SLC2A13: variants seen among roughly 807,000 people sequenced by gnomAD.
SLC2A13 encodes the protein proton myo-inositol cotransporter.
A neutral mutation model predicts 64.4 loss-of-function variants in SLC2A13; 32 were observed. The ratio of observed to expected loss-of-function variants is 0.50; its 90% CI spans 0.37 to 0.67. The LOEUF (loss-of-function observed/expected upper bound fraction) is 0.67. Ranked by LOEUF, SLC2A13 falls within the 30% of genes least tolerant of loss-of-function variation. The pLI, the probability that SLC2A13 is intolerant of heterozygous loss-of-function variation, is 0.00. For missense variants in SLC2A13, 743 were observed against 829.2 expected (o/e 0.90, Z 1.28); for synonymous variants, 338 against 327.1 (o/e 1.03, Z -0.36).
chr12:40,068,314 T>C, intron 1 of SLC2A13: 1 of 416,738 alleles, frequency 2.4e-6, no homozygotes, highest in East Asian at 8.6e-5. Flanking sequence ...ATAGCCAGTG[T>C]GCACAGTCTG....
rs377169528 is a variant in SLC2A13, at chr12:40,105,478, G to A, written c.331C>T (p.Arg111Trp). 1.1e-5 allele frequency: 18 copies of A among 1,569,478 alleles called. No homozygotes were observed. The highest frequency in any genetic ancestry group is 1.5e-5 in the Non-Finnish European group (17 of 1,158,058). ...CACAGCGCGTCCAGACTGAGCTGCC[G>A]CTTGAGCAGCAGCATGGCCCCTGAC... ...VVSGAMLLLKRQLSLDALWQE... is the reference protein window; with the variant it reads ...VVSGAMLLLKWQLSLDALWQE... Residue 111 changes from arginine (R) to tryptophan (W), a missense_variant, in exon 1 of 10, where the codon CGG becomes TGG. By Grantham distance (101) the Arg-to-Trp change is moderately radical. Around this residue, in one of 2 missense-constraint regions of SLC2A13, gnomAD observed 448 missense variants for 447.4 expected, o/e 1.00. Coordinates refer to ENST00000280871, the MANE Select transcript of SLC2A13 (RefSeq NM_052885.4). The surrounding 1 kb of genome is among the most constrained non-coding windows in gnomAD (Gnocchi z 4.2).
chr12:39,989,347 A>T (rs1947091219), intron 3 of SLC2A13, among the ~76,000 whole-genome samples: 1 of 152,150 alleles, frequency 6.6e-6, no homozygotes, highest in South Asian at 2.1e-4. Flanking sequence ...ATCCTTTATC[A>T]ATCTGCTCAT....
chr12:39,877,004 A>G (rs1944199572), intron 4 of SLC2A13, among the ~76,000 whole-genome samples: 3 of 152,178 alleles, frequency 2.0e-5, no homozygotes, highest in South Asian at 4.1e-4. Context: ...TGCTATAAAT[A>G]TATATATTTT....
intron 7 of SLC2A13, among the ~76,000 whole-genome samples, chr12:39,814,382 A>G (rs1179889108): frequency 1.3e-5 from 2 of 152,216 alleles, no homozygotes; most frequent in Admixed American, 1.3e-4. Flanking sequence ...TAGAGAGTAA[A>G]GAGAAAACAT....
At chr12:40,000,108 C>G (rs1947298801) in intron 3 of SLC2A13, among the ~76,000 whole-genome samples, 1 of 152,198 alleles carries the variant, frequency 6.6e-6, no homozygotes, top group South Asian at 2.1e-4. Flanking sequence ...CCTGCACAAG[C>G]TCTCTTTGCC....
chr12:39,973,730 C>A (rs1254942271), intron 3 of SLC2A13, among the ~76,000 whole-genome samples: 2 of 152,206 alleles, frequency 1.3e-5, no homozygotes, highest in Admixed American at 6.5e-5. Flanking sequence ...TCTGTTAAAT[C>A]TAATCACTTA....
intron 7 of SLC2A13, among the ~76,000 whole-genome samples, chr12:39,795,398 C>T (rs963718189): frequency 6.6e-6 from 1 of 151,986 alleles, no homozygotes; most frequent in Non-Finnish European, 1.5e-5. Flanking sequence ...TTATTGTCTG[C>T]TCATATTTCC....
chr12:39,865,075 G>A (rs1416092464), intron 5 of SLC2A13, among the ~76,000 whole-genome samples, 193 bp from the exon 6 acceptor site: 2 of 152,150 alleles, frequency 1.3e-5, no homozygotes, highest in Non-Finnish European at 2.9e-5. Context: ...CTATTCACTA[G>A]CACGTTCATT....
intron 4 of SLC2A13, among the ~76,000 whole-genome samples, chr12:39,894,997 A>G (rs1025585225): frequency 4.6e-5 from 7 of 152,220 alleles, no homozygotes; most frequent in African/African-American, 1.4e-4. Context: ...TGACCAAATC[A>G]TCCTGCAAGG....
intron 6 of SLC2A13, among the ~76,000 whole-genome samples, chr12:39,846,258 C>T (rs1211685865): frequency 6.6e-6 from 1 of 152,038 alleles, no homozygotes; most frequent in East Asian, 1.9e-4. Context: ...TCACCTTTGA[C>T]CATAAGGAAT....
In SLC2A13 at chr12:40,036,953, G is replaced by T. The variant is rs1005680402; in HGVS notation, c.717-8444C>A. On this transcript the variant is annotated intron_variant, in intron 2 of 9. Transcript: ENST00000280871. ...TTTCCTGAAAGGTTTTATCATAAATGAATGTTATTCTCTCAAATATTTTCT... is the reference window on the plus strand; with the variant it reads ...TTTCCTGAAAGGTTTTATCATAAATTAATGTTATTCTCTCAAATATTTTCT... 2.6e-5 allele frequency among the ~76,000 whole-genome samples: 4 copies of T among 152,120 alleles called. 1 individual carries two copies. Among genetic ancestry groups the T allele is most frequent in the Admixed American group, 2.0e-4 (3 of 15,276 alleles).
intron 1 of SLC2A13, among the ~76,000 whole-genome samples, chr12:40,078,369 GA>G (rs1938262525): frequency 6.6e-6 from 1 of 152,088 alleles, no homozygotes; most frequent in South Asian, 2.1e-4. Flanking sequence ...AAGGAATGTT[GA>G]ATTTCATTGA....
chr12:39,873,483 T>A (rs1285673225), intron 4 of SLC2A13, among the ~76,000 whole-genome samples: 1 of 152,026 alleles, frequency 6.6e-6, no homozygotes, highest in Non-Finnish European at 1.5e-5. Flanking sequence ...AAATACCAAA[T>A]CTAAAAAGGC....
At chr12:40,093,260 C>T (rs74091033) in intron 1 of SLC2A13, among the ~76,000 whole-genome samples, 2,611 of 152,174 alleles carry the variant, frequency 0.017, 92 homozygotes, top group African/African-American at 0.059. Context: ...CAGAAGCAAC[C>T]CTAGAGAACA....
At chr12:39,830,053 C>G (rs577334565) in intron 7 of SLC2A13, 50 bp downstream of exon 7, 2 of 1,610,088 alleles carry the variant, frequency 1.2e-6, no homozygotes, top group South Asian at 1.1e-5. Context: ...AAACATAAGC[C>G]TCGTTTTGAA....
At chr12:39,871,225 TA>T (rs534427468) in intron 5 of SLC2A13, among the ~76,000 whole-genome samples, 6 of 151,862 alleles carry the variant, frequency 4.0e-5, no homozygotes, top group Non-Finnish European at 7.4e-5. Flanking sequence ...ACTTGGGAAT[TA>T]AAAAAAAGGT....
chr12:39,878,319 C>G (rs901238847), intron 4 of SLC2A13, among the ~76,000 whole-genome samples: 2 of 152,110 alleles, frequency 1.3e-5, no homozygotes, highest in African/African-American at 2.4e-5. Flanking sequence ...TTGGAGGGCT[C>G]AGAAGACAGG....
chr12:39,947,497 C>A (rs1463129960), intron 4 of SLC2A13, among the ~76,000 whole-genome samples: 1 of 152,124 alleles, frequency 6.6e-6, no homozygotes, highest in Non-Finnish European at 1.5e-5. Flanking sequence ...CCTACGTACA[C>A]CTTTCCTCCT....
intron 3 of SLC2A13, among the ~76,000 whole-genome samples, chr12:39,954,351 A>G (rs1946283159): frequency 1.1e-5 from 1 of 89,916 alleles, no homozygotes; most frequent in African/African-American, 3.1e-5. Context: ...GGATAGATTC[A>G]GAGAGGGAGG....
Sources: allele counts gnomAD v4.1 joint callset (sites outside exome capture counted in the v4.1 genomes callset), GRCh38; gene constraint gnomAD v4.1.1; regional missense constraint gnomAD v4.1.1; non-coding constraint Gnocchi (gnomAD v3.1); transcripts MANE v1.5; gene names NCBI Gene and HGNC (gene_info 2026-07-23, HGNC 2026-07-21).